Variants in KLF13 observed in about 807,000 individuals in gnomAD.
KLF13 encodes the protein Krueppel-like factor 13.
KLF13 carries 8 observed loss-of-function variants against 16.7 expected under a neutral mutation model. The observed-to-expected ratio is 0.48, with a 90% CI of 0.28 to 0.87. The LOEUF (loss-of-function observed/expected upper bound fraction) is 0.87. Among genes scored for constraint, KLF13 ranks in the 40% least tolerant of loss-of-function variants. The pLI is 0.10. For synonymous variants in KLF13, 245 were observed against 208.4 expected (o/e 1.18, Z -1.51); for missense variants, 447 against 452.2 (o/e 0.99, Z 0.10).
At chr15:31,341,314 AC>A (rs1300332362) in intron 1 of KLF13, among the ~76,000 whole-genome samples, 1 of 152,032 alleles carries the variant, frequency 6.6e-6, no homozygotes. Flanking sequence ...TGGGTGAGGC[AC>A]CCAGTAGGAG....
chr15:31,378,159 C>T (rs1157795759), downstream of KLF13, among the ~76,000 whole-genome samples: 3 of 152,162 alleles, frequency 2.0e-5, no homozygotes, highest in Non-Finnish European at 2.9e-5. Flanking sequence ...CGAAAGAGCA[C>T]GGAGGAGAAC....
Position 31,327,095 on chromosome 15 carries a change from A to G in KLF13, c.-118A>G. 1.6e-6 allele frequency: 1 copy of G among 606,950 alleles called. No homozygotes were observed. The allele number at this position is 606,950 out of a possible 1,614,324, so 37.6% of individuals were successfully genotyped here. A position where few individuals can be genotyped will look rare whatever the true frequency, so the allele number is the denominator to read the frequency against. On this transcript the variant is annotated 5_prime_UTR_variant, in exon 1 of 2. Transcript: ENST00000307145. ...CTGCGCGCCCAGCCCAGCCCAGCCCAGCCCGAGGAGAGGGCGCGCCGCGCC... is the reference window on the plus strand; with the variant it reads ...CTGCGCGCCCAGCCCAGCCCAGCCCGGCCCGAGGAGAGGGCGCGCCGCGCC...
Position 31,327,154 on chromosome 15 carries a change from T to G in KLF13, c.-59T>G. 9.4e-7 allele frequency: 1 copy of G among 1,059,990 alleles called. No homozygotes were observed. Among genetic ancestry groups the G allele is most frequent in the Non-Finnish European group, 1.1e-6 (1 of 873,360 alleles). The allele number at this position is 1,059,990 out of a possible 1,614,324, so 65.7% of individuals were successfully genotyped here. On this transcript the variant is annotated 5_prime_UTR_variant, in exon 1 of 2. Coordinates refer to ENST00000307145, the MANE Select transcript of KLF13 (RefSeq NM_015995.4). ...CCGCCCGCTCTCCCGAGGCCGTGGG[T>G]GCGGATGCGCGGCTGACGACTCGCA...
intron 1 of KLF13, among the ~76,000 whole-genome samples, chr15:31,364,494 A>T (rs992727588): frequency 6.6e-6 from 1 of 152,188 alleles, no homozygotes; most frequent in Non-Finnish European, 1.5e-5. Flanking sequence ...GCTCACAAAC[A>T]TGCTTCCCGG....
downstream of KLF13, among the ~76,000 whole-genome samples, chr15:31,408,585 C>T (rs1047593152): frequency 1.2e-4 from 19 of 152,120 alleles, no homozygotes; most frequent in Non-Finnish European, 2.4e-4. Context: ...ATTAATAGAA[C>T]CCCCACATTA....
downstream of KLF13, among the ~76,000 whole-genome samples, chr15:31,405,763 A>G (rs1466026943): frequency 6.6e-6 from 1 of 152,186 alleles, no homozygotes; most frequent in Admixed American, 6.5e-5. Context: ...CCCCGGAACC[A>G]CAAAGGGGAC....
At position 31,327,089 on chromosome 15, in the gene KLF13, C is replaced by A; in HGVS notation, c.-124C>A. On this transcript the variant is annotated 5_prime_UTR_variant, in exon 1 of 2. Coordinates refer to ENST00000307145, the MANE Select transcript of KLF13 (RefSeq NM_015995.4). ...AGGCGGCTGCGCGCCCAGCCCAGCCCAGCCCAGCCCGAGGAGAGGGCGCGC... is the reference window on the plus strand; with the variant it reads ...AGGCGGCTGCGCGCCCAGCCCAGCCAAGCCCAGCCCGAGGAGAGGGCGCGC... The A allele has an allele frequency of 1.1e-6, 1 of 881,544 alleles. No homozygotes were observed. Among genetic ancestry groups the A allele is most frequent in the Non-Finnish European group, 1.4e-6 (1 of 700,720 alleles). The allele number at this position is 881,544 out of a possible 1,614,324, so 54.6% of individuals were successfully genotyped here.
chr15:31,379,544 C>G (rs946717117), downstream of KLF13, among the ~76,000 whole-genome samples: 1 of 152,190 alleles, frequency 6.6e-6, no homozygotes, highest in Non-Finnish European at 1.5e-5. Context: ...CATGGAGCCC[C>G]CATCCCAGGA....
chr15:31,386,496 T>C (rs1417879399), intron 1 of KLF13, among the ~76,000 whole-genome samples: 1 of 151,656 alleles, frequency 6.6e-6, no homozygotes, highest in Non-Finnish European at 1.5e-5. Context: ...TGAAACTCCA[T>C]CTTAAAAAAA....
chr15:31,332,508 C>A lies in KLF13; in HGVS notation c.577+4719C>A, dbSNP rs183965899. Among the ~76,000 whole-genome samples the A allele has an allele frequency of 3.5e-3, 535 of 152,312 alleles. 3 individuals are homozygous for A. Among genetic ancestry groups the A allele is most frequent in the African/African-American group, 0.012 (505 of 41,552 alleles). ...CTGGTGTGGCGCCATCTCCACTCCC[C>A]CCTTCCCCCTCGCTGAAAGAAGGCT... is the stretch of plus-strand genomic sequence containing the variant. On this transcript the variant is annotated intron_variant, in intron 1 of 1. Transcript: ENST00000307145.
intron 1 of KLF13, among the ~76,000 whole-genome samples, chr15:31,352,476 T>C (rs1320963969): frequency 6.6e-6 from 1 of 152,192 alleles, no homozygotes; most frequent in African/African-American, 2.4e-5. Context: ...ATGCCTGCCT[T>C]CTCCATGGGC....
At chr15:31,341,547 T>TC (rs991329111) in intron 1 of KLF13, among the ~76,000 whole-genome samples, 1 of 150,596 alleles carries the variant, frequency 6.6e-6, no homozygotes, top group Non-Finnish European at 1.5e-5. Context: ...CTTTTTTTTT[T>TC]TTTTTTTGAG....
Position 31,327,647 on chromosome 15 carries a change from C to T in KLF13, c.435C>T (p.Pro145=), listed in dbSNP as rs1357004857. 4 of 1,440,028 alleles carry T rather than the reference C, an allele frequency of 2.8e-6. No homozygotes were observed. Among genetic ancestry groups the T allele is most frequent in the Admixed American group, 2.4e-5 (1 of 41,094 alleles). 89.2% of individuals were successfully genotyped at this position (1,440,028 alleles called of 1,614,324 possible). Residue 145 remains proline (P), a synonymous_variant, in exon 1 of 2, where the codon CCC becomes CCT. Coordinates refer to ENST00000307145, the MANE Select transcript of KLF13 (RefSeq NM_015995.4). ...REPGPAGSGE[P]GLRQRVRRGR... The stretch of plus-strand genomic sequence containing the variant: ...CGGGGCCCGCGGGGAGCGGCGAGCC[C>T]GGCCTCAGACAAAGGGTCCGGCGGG...
intron 1 of KLF13, among the ~76,000 whole-genome samples, chr15:31,430,752 A>C (rs745406770): frequency 8.5e-5 from 13 of 152,220 alleles, no homozygotes; most frequent in Non-Finnish European, 1.6e-4. Context: ...ATGGCCAATA[A>C]ACATGTAAAT....
rs978773192 is a variant in KLF13, at chr15:31,334,514, G to A, written c.577+6725G>A. On this transcript the variant is annotated intron_variant, in intron 1 of 1. Coordinates refer to ENST00000307145, the MANE Select transcript of KLF13 (RefSeq NM_015995.4). ...ACAATCTCGGCTCACTGCAACCTCC[G>A]CCTCCCGGGTTCAAGTGATTCTCCT... Among the ~76,000 whole-genome samples, 5 of 151,402 alleles carry A rather than the reference G, an allele frequency of 3.3e-5. 1 individual carries two copies. The highest frequency in any genetic ancestry group is 4.9e-5 in the African/African-American group (2 of 41,110).
upstream of KLF13, among the ~76,000 whole-genome samples, chr15:31,388,473 G>C (rs1308328179): frequency 6.6e-6 from 1 of 151,860 alleles, no homozygotes; most frequent in East Asian, 1.9e-4. Context: ...AATTAGCCGG[G>C]TGCGGTGGTG....
At chr15:31,409,207 C>T (rs1003171850), downstream of KLF13, among the ~76,000 whole-genome samples, 30 of 152,134 alleles carry the variant, frequency 2.0e-4, no homozygotes, top group African/African-American at 7.2e-4. Flanking sequence ...ATTTCTTGAA[C>T]CCAGGAGGCG....
At chr15:31,330,372 A>C (rs2038806633) in intron 1 of KLF13, among the ~76,000 whole-genome samples, 1 of 152,220 alleles carries the variant, frequency 6.6e-6, no homozygotes, top group African/African-American at 2.4e-5. Flanking sequence ...CAGGATCCAC[A>C]GTAATTTCAT....
At chr15:31,358,894 A>G (rs2039340735) in intron 1 of KLF13, among the ~76,000 whole-genome samples, 1 of 152,230 alleles carries the variant, frequency 6.6e-6, no homozygotes, top group African/African-American at 2.4e-5. Context: ...GAAGCCAGGG[A>G]ACATTCCCTT....
Sources: gnomAD v4.1 joint callset for allele counts (sites outside exome capture counted in the v4.1 genomes callset) on GRCh38, gnomAD v4.1.1 for gene constraint, MANE v1.5 for transcripts, NCBI Gene and HGNC (gene_info 2026-07-23, HGNC 2026-07-21) for gene names.